The following GALNT13 variants were observed in gnomAD, a reference collection of about 807,000 sequenced individuals.
GALNT13 encodes the protein UDP-GalNAc:polypeptide N-acetylgalactosaminyltransferase 13.
Under a neutral mutation model 64.2 loss-of-function variants are expected in GALNT13, and 28 were observed. That is an observed-to-expected ratio of 0.44 (90% CI 0.32 to 0.60). The LOEUF (loss-of-function observed/expected upper bound fraction) is 0.60. Among genes scored for constraint, GALNT13 ranks in the 20% least tolerant of loss-of-function variants. The pLI is 0.05. For synonymous variants in GALNT13, 214 were observed against 224.6 expected, an observed-to-expected ratio of 0.95 and a Z score of 0.42; for missense variants, 577 against 669.8, an observed-to-expected ratio of 0.86 and a Z score of 1.53.
chr2:154,147,383 A>T (rs895935962), intron 4 of GALNT13, among the ~76,000 whole-genome samples: 1 of 145,414 alleles, frequency 6.9e-6, no homozygotes, highest in Non-Finnish European at 1.5e-5. Context: ...ATGGAATTTT[A>T]TATATATATA....
At chr2:153,200,137 T>A in the GALNT13 span, among the ~76,000 whole-genome samples, 3 of 152,232 alleles carry the variant, frequency 2.0e-5, no homozygotes, top group South Asian at 6.2e-4. Flanking sequence ...CCTCGGCTTC[T>A]GAACCTCACC....
chr2:153,166,874 G>A, the GALNT13 span, among the ~76,000 whole-genome samples: 1 of 152,166 alleles, frequency 6.6e-6, no homozygotes, highest in African/African-American at 2.4e-5. Flanking sequence ...AGCACTGAAG[G>A]TGACCTGCAG....
the GALNT13 span, chr2:153,478,105 G>A: frequency 1.4e-6 from 1 of 726,294 alleles, no homozygotes. Context: ...GCTTCTTTCC[G>A]AAAGGCCGAA....
At chr2:153,899,788 T>C (rs935552864) in intron 1 of GALNT13, among the ~76,000 whole-genome samples, 1 of 152,074 alleles carries the variant, frequency 6.6e-6, no homozygotes, top group South Asian at 2.1e-4. Flanking sequence ...GCAGAAATTC[T>C]GTTTGTTGCT....
the GALNT13 span, among the ~76,000 whole-genome samples, chr2:153,746,367 T>C: frequency 6.6e-6 from 1 of 152,314 alleles, no homozygotes; most frequent in South Asian, 2.1e-4. Context: ...ATTAATGGTT[T>C]TGTTGTGATA....
intron 3 of GALNT13, among the ~76,000 whole-genome samples, chr2:154,050,887 G>T (rs1238614448): frequency 1.3e-5 from 2 of 152,160 alleles, no homozygotes; most frequent in Non-Finnish European, 2.9e-5. Context: ...AGGATTAAAA[G>T]AAATTAACCA....
chr2:154,073,486 A>G (rs780487869), intron 3 of GALNT13, among the ~76,000 whole-genome samples: 18 of 151,936 alleles, frequency 1.2e-4, no homozygotes, highest in South Asian at 1.0e-3. Flanking sequence ...TGACCCTGAT[A>G]GTTTTCCAAT....
At chr2:153,214,867 A>G in the GALNT13 span, among the ~76,000 whole-genome samples, 1 of 152,148 alleles carries the variant, frequency 6.6e-6, no homozygotes, top group Non-Finnish European at 1.5e-5. Flanking sequence ...CTATTGGAGA[A>G]ATCTTGATTT....
chr2:153,660,277 C>T, the GALNT13 span, among the ~76,000 whole-genome samples: 1 of 152,036 alleles, frequency 6.6e-6, no homozygotes, highest in Non-Finnish European at 1.5e-5. Context: ...AGGAGCCAGG[C>T]AGACTTGACA....
the GALNT13 span, among the ~76,000 whole-genome samples, chr2:153,404,713 A>G: frequency 1.3e-5 from 2 of 152,162 alleles, no homozygotes; most frequent in Non-Finnish European, 2.9e-5. Context: ...TGTCTTTGGT[A>G]TTAATCACTA....
chr2:153,869,064 T>A (rs1233081950), upstream of GALNT13, among the ~76,000 whole-genome samples: 1 of 152,204 alleles, frequency 6.6e-6, no homozygotes, highest in Admixed American at 6.5e-5. Context: ...AATGGTGTTA[T>A]AAAAGGTTGC....
chr2:154,319,924 A>C (rs1399956819), intron 9 of GALNT13, among the ~76,000 whole-genome samples: 1 of 152,114 alleles, frequency 6.6e-6, no homozygotes, highest in East Asian at 1.9e-4. Flanking sequence ...TTGACTTCTT[A>C]GTTATAGCAG....
At chr2:153,809,012 G>A in the GALNT13 span, among the ~76,000 whole-genome samples, 1 of 152,084 alleles carries the variant, frequency 6.6e-6, no homozygotes, top group Admixed American at 6.6e-5. Context: ...ATCTTTTGTG[G>A]GCACTCAGTA....
intron 2 of GALNT13, among the ~76,000 whole-genome samples, chr2:153,919,814 C>T (rs891376125): frequency 6.6e-6 from 1 of 151,456 alleles, no homozygotes. Flanking sequence ...CATATATAAT[C>T]TTTACCAGAA....
chr2:153,289,555 G>A, the GALNT13 span, among the ~76,000 whole-genome samples: 1 of 152,160 alleles, frequency 6.6e-6, no homozygotes, highest in African/African-American at 2.4e-5. Context: ...TCCTTGGTGA[G>A]TTATTTAGGA....
At chr2:153,394,792 C>T in the GALNT13 span, among the ~76,000 whole-genome samples, 1 of 152,080 alleles carries the variant, frequency 6.6e-6, no homozygotes, top group Non-Finnish European at 1.5e-5. Context: ...TACTACCATA[C>T]ATTTGGAAGC....
At chr2:154,111,869 T>C (rs1703005229) in intron 3 of GALNT13, among the ~76,000 whole-genome samples, 1 of 152,182 alleles carries the variant, frequency 6.6e-6, no homozygotes, top group South Asian at 2.1e-4. Flanking sequence ...TTCAGGATGA[T>C]GGGAAACATG....
chr2:153,298,476 G>C, the GALNT13 span, among the ~76,000 whole-genome samples: 1 of 152,188 alleles, frequency 6.6e-6, no homozygotes, highest in Admixed American at 6.5e-5. Flanking sequence ...TACTATAAGA[G>C]TGGTGATCTC....
chr2:154,080,888 G>GTTATCCAT lies in GALNT13; in HGVS notation c.143-59448_143-59441dup, dbSNP rs1418883136. On this transcript the variant is annotated intron_variant, in intron 3 of 12. Transcript: ENST00000392825. Reference sequence around the variant, plus strand: ...ACTTGTATTCAGGATCCTTAAACATGTTATCCATCTAGTTTCTAAGAGGGA... The same window carrying GTTATCCAT: ...ACTTGTATTCAGGATCCTTAAACATGTTATCCATTTATCCATCTAGTTTCTAAGAGGGA... 2.0e-5 allele frequency among the ~76,000 whole-genome samples: 3 copies of GTTATCCAT among 151,526 alleles called. No individual in the cohort carries two copies. In the East Asian group the frequency reaches 5.8e-4, roughly 29 times the overall value.
Sources: allele counts gnomAD v4.1 joint callset (sites outside exome capture counted in the v4.1 genomes callset), GRCh38; gene constraint gnomAD v4.1.1; transcripts MANE v1.5; gene names NCBI Gene and HGNC (gene_info 2026-07-23, HGNC 2026-07-21).